Variants in USP53 observed in about 807,000 individuals in gnomAD.
The protein encoded by USP53 is ubiquitin specific peptidase 53, also known as ubiquitin carboxyl-terminal hydrolase 53.
A neutral mutation model predicts 94.9 loss-of-function variants in USP53; 71 were observed. That is an observed-to-expected ratio of 0.75 (90% CI 0.62 to 0.91). The LOEUF (loss-of-function observed/expected upper bound fraction) is 0.91. USP53 is among the 40% of genes least tolerant of loss of function. The probability of loss-of-function intolerance (pLI) is 0.00; values close to 1 mark genes in which losing one functional copy is unlikely to be tolerated. For missense variants in USP53, 1,173 were observed against 1,281.0 expected (o/e 0.92, Z 1.29); for synonymous variants, 375 against 422.7 (o/e 0.89, Z 1.39).
intron 1 of USP53, 114 bp downstream of exon 1, chr4:119,212,987 G>C (rs1457493175): frequency 1.3e-5 from 2 of 158,490 alleles, no homozygotes; most frequent in Admixed American, 6.1e-5. Context: ...CTCGCAGCCC[G>C]GCGACCTCCT....
intron 7 of USP53, among the ~76,000 whole-genome samples, chr4:119,251,410 G>T (rs376942717): frequency 6.6e-6 from 1 of 152,084 alleles, no homozygotes; most frequent in Non-Finnish European, 1.5e-5. Flanking sequence ...AATCCTTTGG[G>T]TATATACCCA....
rs1743362456 is a variant in USP53, at chr4:119,214,131, A to C, written c.-880A>C. 6.6e-6 allele frequency: 1 copy of C among 151,736 alleles called. No homozygotes were observed. The highest frequency in any genetic ancestry group is 1.5e-5 in the Non-Finnish European group (1 of 67,926). The allele number at this position is 151,736 out of a possible 1,614,324, so 9.4% of individuals were successfully genotyped here. A position where few individuals can be genotyped will look rare whatever the true frequency, so the allele number is the denominator to read the frequency against. On this transcript the variant is annotated 5_prime_UTR_variant, in exon 2 of 19. Transcript: ENST00000692078. ...TGTTAAAGATAAATTAAAAAAAAAA[A>C]AAAAAAACCAAAGGGAACAAAACTT...
At chr4:119,254,256 T>C (rs1020034984) in intron 7 of USP53, among the ~76,000 whole-genome samples, 1 of 152,214 alleles carries the variant, frequency 6.6e-6, no homozygotes. Context: ...TGAATTTGAA[T>C]GTTGGCCTGC....
At chr4:119,284,990 A>C (rs1216280240) in intron 17 of USP53, among the ~76,000 whole-genome samples, 2 of 151,868 alleles carry the variant, frequency 1.3e-5, no homozygotes, top group Non-Finnish European at 3.0e-5. Flanking sequence ...AATGAAACTA[A>C]ATGCTTAGTT....
intron 4 of USP53, among the ~76,000 whole-genome samples, chr4:119,235,653 CT>C (rs1746639973): frequency 6.6e-6 from 1 of 152,096 alleles, no homozygotes; most frequent in African/African-American, 2.4e-5. Flanking sequence ...TTCCCATTTA[CT>C]TTTCTCTTTG....
intron 9 of USP53, 63 bp from the exon 10 acceptor site, chr4:119,259,757 A>G: frequency 7.9e-7 from 1 of 1,259,080 alleles, no homozygotes; most frequent in South Asian, 1.4e-5. Context: ...AATATTTTTC[A>G]TGTGTAATTT....
intron 9 of USP53, among the ~76,000 whole-genome samples, chr4:119,257,442 A>C (rs1274459041): frequency 1.3e-5 from 2 of 152,228 alleles, no homozygotes; most frequent in Non-Finnish European, 2.9e-5. Flanking sequence ...TACGTCTCAC[A>C]AAACAGCAAC....
At chr4:119,212,624 C>CCTGA (rs1743002364), upstream of USP53, 2 of 386,570 alleles carry the variant, frequency 5.2e-6, no homozygotes, top group Non-Finnish European at 1.0e-5. Context: ...GTGTCACTGG[C>CCTGA]CTGACTGGTC....
Position 119,292,590 on chromosome 4 carries a change from A to G in USP53, c.2601A>G (p.Leu867=), listed in dbSNP as rs1754882611. The G allele has an allele frequency of 1.2e-6, 2 of 1,613,962 alleles. No homozygotes were observed. The highest frequency in any genetic ancestry group is 2.2e-5 in the South Asian group (2 of 91,080). ...CATCTTCATTATGGTCTTCACACCT[A>G]AGAACTGTTGGGTTAAAGCCAGAAA... ...NEPSSLWSSH[L]RTVGLKPETA... Residue 867 remains leucine, a synonymous_variant, in exon 19 of 19, where the codon CTA becomes CTG. Transcript: ENST00000692078.
chr4:119,219,017 T>G (rs182332963), intron 3 of USP53: 36 of 152,310 alleles, frequency 2.4e-4, no homozygotes, highest in Admixed American at 1.7e-3. Context: ...TCTGTGCTAA[T>G]ATGGAATTAT....
intron 14 of USP53, among the ~76,000 whole-genome samples, chr4:119,269,101 G>C (rs535433633): frequency 6.6e-6 from 1 of 152,048 alleles, no homozygotes; most frequent in African/African-American, 2.4e-5. Context: ...TAAAATAAAG[G>C]CTTTTTAAAA....
chr4:119,266,264 G>C (rs1480616860), intron 12 of USP53: 1 of 456,030 alleles, frequency 2.2e-6, no homozygotes, highest in Non-Finnish European at 4.4e-6. Flanking sequence ...TGAAGTATGA[G>C]TAATCTGTGA....
Position 119,291,156 on chromosome 4 carries a change from C to CA in USP53, c.2252-7dup. 2.3e-6 allele frequency: 3 copies of CA among 1,306,158 alleles called. No homozygotes were observed. Among genetic ancestry groups the CA allele is most frequent in the Non-Finnish European group, 3.1e-6 (3 of 954,492 alleles). 80.9% of individuals were successfully genotyped at this position (1,306,158 alleles called of 1,614,324 possible). ...CCTCATCTCTTCTCCCCACCCCACC[C>CA]AACCCTAGGCTTTAGAAAAGAACTC... On this transcript the variant is annotated splice_polypyrimidine_tract_variant and intron_variant, in intron 17 of 18. Transcript: ENST00000692078.
chr4:119,270,279 G>T (rs1178057369), intron 15 of USP53, among the ~76,000 whole-genome samples: 5 of 151,690 alleles, frequency 3.3e-5, no homozygotes, highest in Non-Finnish European at 4.4e-5. Flanking sequence ...AAAGTTATTT[G>T]TAGAGATAGG....
chr4:119,254,096 C>G (rs1455507519), intron 7 of USP53, among the ~76,000 whole-genome samples: 1 of 152,212 alleles, frequency 6.6e-6, no homozygotes, highest in Non-Finnish European at 1.5e-5. Context: ...CACCGTTAGT[C>G]TGATGGGCTT....
At chr4:119,258,266 G>A (rs1407043140) in intron 9 of USP53, among the ~76,000 whole-genome samples, 5 of 152,122 alleles carry the variant, frequency 3.3e-5, no homozygotes, top group African/African-American at 1.2e-4. Flanking sequence ...AGCAGTATAT[G>A]CAATTTGAAT....
chr4:119,247,498 A>G (rs1384884174), intron 6 of USP53, among the ~76,000 whole-genome samples: 1 of 152,144 alleles, frequency 6.6e-6, no homozygotes, highest in Non-Finnish European at 1.5e-5. Context: ...TATCCCTGGC[A>G]TTCCTATCCC....
intron 6 of USP53, among the ~76,000 whole-genome samples, chr4:119,245,748 T>G (rs1039422629): frequency 1.3e-5 from 2 of 152,214 alleles, no homozygotes; most frequent in Non-Finnish European, 2.9e-5. Context: ...GTGTAGTTAC[T>G]GAGGATACAG....
chr4:119,278,090 G>A (rs1163581556), intron 17 of USP53, among the ~76,000 whole-genome samples: 1 of 150,380 alleles, frequency 6.6e-6, no homozygotes, highest in Non-Finnish European at 1.5e-5. Flanking sequence ...GGAGAATTTA[G>A]TCCATTTACA....
Sources: allele counts gnomAD v4.1 joint callset (sites outside exome capture counted in the v4.1 genomes callset), GRCh38; gene constraint gnomAD v4.1.1; transcripts MANE v1.5; gene names NCBI Gene and HGNC (gene_info 2026-07-23, HGNC 2026-07-21).